Variants in NTRK3 observed in about 807,000 individuals in gnomAD.
NTRK3 encodes the protein neurotrophic receptor tyrosine kinase 3, also known as NT-3 growth factor receptor.
Under a neutral mutation model 91.7 loss-of-function variants are expected in NTRK3, and 24 were observed. That is an observed-to-expected ratio of 0.26 (90% CI 0.19 to 0.37). The LOEUF is 0.37. Among genes scored for constraint, NTRK3 ranks in the 10% least tolerant of loss-of-function variants. The probability of loss-of-function intolerance (pLI) is 1.00; values close to 1 mark genes in which losing one functional copy is unlikely to be tolerated. For missense variants in NTRK3, 880 were observed against 1,068.9 expected, an observed-to-expected ratio of 0.82 and a Z score of 2.46; for synonymous variants, 483 against 404.0, an observed-to-expected ratio of 1.20 and a Z score of -2.34.
At chr15:87,961,680 T>C (rs1187756243) in intron 14 of NTRK3, among the ~76,000 whole-genome samples, 2 of 152,242 alleles carry the variant, frequency 1.3e-5, no homozygotes, top group African/African-American at 4.8e-5. Flanking sequence ...AAGCTCCTGC[T>C]TTCTGAGCTG....
intron 14 of NTRK3, among the ~76,000 whole-genome samples, chr15:87,954,447 T>G (rs1296234402): frequency 1.3e-5 from 2 of 152,248 alleles, no homozygotes; most frequent in Admixed American, 1.3e-4. Context: ...TTCTCCTGTA[T>G]AATTTCCCCT....
At chr15:88,026,324 A>C (rs897030945) in intron 14 of NTRK3, among the ~76,000 whole-genome samples, 3 of 152,204 alleles carry the variant, frequency 2.0e-5, no homozygotes, top group African/African-American at 7.2e-5. Context: ...ATGAGCGATC[A>C]AGCCAGGAAA....
intron 14 of NTRK3, among the ~76,000 whole-genome samples, chr15:87,986,115 T>C (rs978718245): frequency 3.3e-5 from 5 of 152,188 alleles, no homozygotes; most frequent in African/African-American, 1.2e-4. Context: ...AAGGAACAAT[T>C]TGTAATAGCT....
intron 14 of NTRK3, among the ~76,000 whole-genome samples, chr15:87,949,082 C>T (rs977377727): frequency 2.0e-5 from 3 of 152,048 alleles, no homozygotes; most frequent in Admixed American, 2.0e-4. Flanking sequence ...GATGAATGGG[C>T]AAATAAATTA....
intron 6 of NTRK3, among the ~76,000 whole-genome samples, chr15:88,141,280 G>T (rs996555781): frequency 3.9e-5 from 6 of 152,220 alleles, no homozygotes; most frequent in African/African-American, 1.4e-4. Context: ...GACATTATAG[G>T]ATCATAATAT....
At chr15:88,139,850 G>C (rs1275521199) in intron 6 of NTRK3, among the ~76,000 whole-genome samples, 2 of 141,672 alleles carry the variant, frequency 1.4e-5, no homozygotes, top group East Asian at 4.6e-4. Flanking sequence ...GGGTGCAAGA[G>C]AGAAGCAGAG....
At chr15:87,901,995 T>A (rs994803211) in intron 17 of NTRK3, among the ~76,000 whole-genome samples, 2 of 152,176 alleles carry the variant, frequency 1.3e-5, no homozygotes, top group Non-Finnish European at 2.9e-5. Flanking sequence ...TAGGTTAGGG[T>A]GGCACATTTT....
At chr15:88,151,602 T>C (rs2043383244) in intron 5 of NTRK3, among the ~76,000 whole-genome samples, 1 of 152,212 alleles carries the variant, frequency 6.6e-6, no homozygotes, top group Non-Finnish European at 1.5e-5. Context: ...AAAGGGTCAA[T>C]AAGACGGACC....
intron 13 of NTRK3, among the ~76,000 whole-genome samples, chr15:88,078,916 G>A (rs150029394): frequency 1.3e-5 from 2 of 152,344 alleles, no homozygotes; most frequent in African/African-American, 2.4e-5. Context: ...GGAGGTGTGG[G>A]GCCTTTGGCT....
At chr15:88,182,398 G>A (rs1477905695) in intron 5 of NTRK3, among the ~76,000 whole-genome samples, 1 of 152,106 alleles carries the variant, frequency 6.6e-6, no homozygotes, top group Non-Finnish European at 1.5e-5. Context: ...TCCCCTGGAT[G>A]TTCTGCCCCG....
intron 3 of NTRK3, among the ~76,000 whole-genome samples, chr15:88,226,636 G>T (rs980441847): frequency 6.6e-6 from 1 of 152,244 alleles, no homozygotes; most frequent in Non-Finnish European, 1.5e-5. Context: ...GGAGCACTGA[G>T]CCATCTCTGG....
intron 3 of NTRK3, among the ~76,000 whole-genome samples, chr15:88,197,644 A>C (rs1391986419): frequency 6.6e-6 from 1 of 152,224 alleles, no homozygotes; most frequent in African/African-American, 2.4e-5. Context: ...CTGAGGCTTG[A>C]ATCCAGCTGG....
intron 13 of NTRK3, among the ~76,000 whole-genome samples, chr15:88,109,530 T>A (rs2051093441): frequency 6.6e-6 from 1 of 152,148 alleles, no homozygotes. Flanking sequence ...GCCAGAGACG[T>A]CGTGGGAGCC....
At chr15:87,960,652 T>C (rs1231616526) in intron 14 of NTRK3, among the ~76,000 whole-genome samples, 2 of 152,114 alleles carry the variant, frequency 1.3e-5, no homozygotes, top group African/African-American at 4.8e-5. Context: ...ACCTGGCTAA[T>C]TTTTATATTT....
intron 3 of NTRK3, among the ~76,000 whole-genome samples, chr15:88,201,998 G>T (rs755564707): frequency 6.7e-6 from 1 of 150,056 alleles, no homozygotes; most frequent in Non-Finnish European, 1.5e-5. Flanking sequence ...CTTCCAACAG[G>T]TCTGGATTCC....
At chr15:88,207,814 G>A (rs995850261) in intron 3 of NTRK3, among the ~76,000 whole-genome samples, 1 of 152,196 alleles carries the variant, frequency 6.6e-6, no homozygotes, top group Non-Finnish European at 1.5e-5. Context: ...TCAGCTCATG[G>A]GAGATGGCAG....
At chr15:87,903,007 C>T (rs186081739) in intron 17 of NTRK3, among the ~76,000 whole-genome samples, 19 of 152,266 alleles carry the variant, frequency 1.2e-4, no homozygotes, top group African/African-American at 4.1e-4. Context: ...GCTCTGAGAC[C>T]GGTGTCTGAA....
intron 13 of NTRK3, among the ~76,000 whole-genome samples, chr15:88,053,875 T>A (rs1056822362): frequency 2.6e-5 from 4 of 152,238 alleles, no homozygotes; most frequent in African/African-American, 9.6e-5. Context: ...GAATTTCATG[T>A]CCTTTGGCAA....
At chr15:88,101,239 T>G (rs2150872545) in intron 13 of NTRK3, among the ~76,000 whole-genome samples, 2 of 152,298 alleles carry the variant, frequency 1.3e-5, no homozygotes, top group Middle Eastern at 3.4e-3. Context: ...AAGAAGACAT[T>G]TATGCAACCA....
Sources: allele counts gnomAD v4.1 joint callset (sites outside exome capture counted in the v4.1 genomes callset), GRCh38; gene constraint gnomAD v4.1.1; transcripts MANE v1.5; gene names NCBI Gene and HGNC (gene_info 2026-07-23, HGNC 2026-07-21).